ANKS1B: variants seen among roughly 807,000 people sequenced by gnomAD.
The protein encoded by ANKS1B is ankyrin repeat and sterile alpha motif domain-containing protein 1B.
ANKS1B carries 36 observed loss-of-function variants against 148.3 expected under a neutral mutation model. The ratio of observed to expected loss-of-function variants is 0.24; its 90% CI spans 0.19 to 0.32. The LOEUF (loss-of-function observed/expected upper bound fraction) is 0.32, where lower values mean the gene tolerates loss of function less well. ANKS1B is among the 10% of genes least tolerant of loss of function. ANKS1B has a pLI of 1.00. For missense variants in ANKS1B, 1,157 were observed against 1,542.6 expected, an observed-to-expected ratio of 0.75 and a Z score of 4.19; for synonymous variants, 542 against 560.8, an observed-to-expected ratio of 0.97 and a Z score of 0.47.
chr12:99,111,090 C>T (rs1216288609), intron 15 of ANKS1B, among the ~76,000 whole-genome samples: 1 of 152,210 alleles, frequency 6.6e-6, no homozygotes, highest in East Asian at 1.9e-4. Context: ...GGCTTATATT[C>T]CACCTGGTGT....
chr12:98,887,417 T>TA (rs1357376460), intron 17 of ANKS1B, among the ~76,000 whole-genome samples: 1 of 152,172 alleles, frequency 6.6e-6, no homozygotes, highest in Non-Finnish European at 1.5e-5. Flanking sequence ...TCCATTTTCT[T>TA]AAAGAGGGCC....
chr12:99,269,627 C>T (rs1219627829), intron 12 of ANKS1B, among the ~76,000 whole-genome samples: 2 of 152,088 alleles, frequency 1.3e-5, no homozygotes, highest in African/African-American at 4.8e-5. Context: ...AGCGCAATCT[C>T]GGCTCACTGC....
intron 12 of ANKS1B, among the ~76,000 whole-genome samples, chr12:99,274,949 T>C (rs2077492007): frequency 6.6e-6 from 1 of 152,180 alleles, no homozygotes; most frequent in Non-Finnish European, 1.5e-5. Flanking sequence ...CCTTAAAGCA[T>C]GGTGGCTGGG....
At chr12:99,557,352 ATTTTT>A in intron 9 of ANKS1B, among the ~76,000 whole-genome samples, 1 of 152,062 alleles carries the variant, frequency 6.6e-6, no homozygotes, top group Admixed American at 6.6e-5. Flanking sequence ...GGTTTTGTTC[ATTTTT>A]TTAATTCTTT....
intron 19 of ANKS1B, among the ~76,000 whole-genome samples, chr12:98,817,972 G>C (rs959789615): frequency 6.6e-6 from 1 of 152,128 alleles, no homozygotes; most frequent in African/African-American, 2.4e-5. Flanking sequence ...CATGATTGCT[G>C]GAGTCAGCAT....
intron 12 of ANKS1B, among the ~76,000 whole-genome samples, chr12:99,306,441 C>T (rs1039418244): frequency 2.0e-5 from 3 of 151,952 alleles, no homozygotes; most frequent in African/African-American, 7.3e-5. Flanking sequence ...TCCCTACCCC[C>T]ACCCCCATAA....
At chr12:98,800,941 G>A (rs2099000178) in intron 21 of ANKS1B, 56 bp downstream of exon 21, 2 of 1,559,768 alleles carry the variant, frequency 1.3e-6, no homozygotes, top group Non-Finnish European at 1.7e-6. Context: ...CAAACAAGCT[G>A]AAAACATACC....
chr12:99,486,109 A>G (rs943351329), intron 10 of ANKS1B, among the ~76,000 whole-genome samples: 3 of 152,118 alleles, frequency 2.0e-5, no homozygotes, highest in Non-Finnish European at 2.9e-5. Context: ...CTGTTTTGTC[A>G]TATTACCAGA....
chr12:99,271,106 C>A (rs1424277120), intron 12 of ANKS1B, among the ~76,000 whole-genome samples: 1 of 152,226 alleles, frequency 6.6e-6, no homozygotes, highest in African/African-American at 2.4e-5. Context: ...ACATTCACTA[C>A]TTCTTGCCTT....
chr12:99,920,577 T>C (rs542526023), intron 1 of ANKS1B, among the ~76,000 whole-genome samples: 51 of 152,170 alleles, frequency 3.4e-4, no homozygotes, highest in African/African-American at 1.2e-3. Flanking sequence ...CAATGATTAA[T>C]TCATTCATTC....
At chr12:98,826,827 T>C (rs964191670) in intron 19 of ANKS1B, among the ~76,000 whole-genome samples, 1 of 152,160 alleles carries the variant, frequency 6.6e-6, no homozygotes, top group African/African-American at 2.4e-5. Flanking sequence ...AAAATTTTAA[T>C]TGCTAATTCA....
At chr12:99,269,515 T>C (rs1383870244) in intron 12 of ANKS1B, among the ~76,000 whole-genome samples, 2 of 152,122 alleles carry the variant, frequency 1.3e-5, no homozygotes, top group African/African-American at 2.4e-5. Flanking sequence ...TTTTTTTTTT[T>C]TTTGGTCACA....
At chr12:99,545,909 A>T (rs2153144847) in intron 9 of ANKS1B, among the ~76,000 whole-genome samples, 1 of 151,888 alleles carries the variant, frequency 6.6e-6, no homozygotes, top group Non-Finnish European at 1.5e-5. Context: ...GCATGTTTTA[A>T]TCTCATAGTG....
chr12:99,879,786 T>C (rs1395591961), intron 1 of ANKS1B, among the ~76,000 whole-genome samples: 1 of 152,218 alleles, frequency 6.6e-6, no homozygotes, highest in Admixed American at 6.5e-5. Flanking sequence ...AGTAAAGAAG[T>C]ACTTTTTCTG....
At chr12:98,745,877 T>C in intron 26 of ANKS1B, 28 bp from the exon 27 acceptor site, 1 of 1,594,604 alleles carries the variant, frequency 6.3e-7, no homozygotes, top group Non-Finnish European at 8.5e-7. Flanking sequence ...TGATGCCTGT[T>C]ATACGGTCGC....
chr12:99,048,464 C>T (rs1315715853), intron 17 of ANKS1B, among the ~76,000 whole-genome samples: 1 of 152,086 alleles, frequency 6.6e-6, no homozygotes, highest in East Asian at 1.9e-4. Context: ...GTAATATTGG[C>T]CCAGAGGTAC....
At chr12:99,460,374 G>T (rs1435388032) in intron 10 of ANKS1B, among the ~76,000 whole-genome samples, 1 of 151,986 alleles carries the variant, frequency 6.6e-6, no homozygotes, top group Non-Finnish European at 1.5e-5. Flanking sequence ...TCATGACCAA[G>T]AACCCAAAAA....
At position 99,399,738 on chromosome 12, in the gene ANKS1B, A is replaced by C; in HGVS notation, c.1649T>G (p.Ile550Ser). The change falls in exon 12 of 27, where the codon ATC becomes AGC. Residue 550 changes from isoleucine to serine, a missense_variant. Around this residue, in one of 6 missense-constraint regions of ANKS1B, gnomAD observed 661 missense variants for 642.1 expected, o/e 1.03. Coordinates refer to ENST00000683438, the MANE Select transcript of ANKS1B (RefSeq NM_001352186.2). ...RMNHNQEYFEINTSTGCTSFT... is the reference protein window; with the variant it reads ...RMNHNQEYFESNTSTGCTSFT... ...GCTTGTGCACCCTGTAGATGTGTTG[A>C]TTTCAAAATATTCTTGGTTGTGATT... The C allele has an allele frequency of 6.2e-7, 1 of 1,613,468 alleles. No individual in the cohort carries two copies. Among genetic ancestry groups the C allele is most frequent in the African/African-American group, 1.3e-5 (1 of 75,006 alleles).
intron 8 of ANKS1B, among the ~76,000 whole-genome samples, chr12:99,767,865 T>C (rs1033935166): frequency 7.2e-5 from 11 of 152,156 alleles, no homozygotes; most frequent in Admixed American, 2.6e-4. Context: ...AAGAATTTAA[T>C]TTTTAACTTA....
Sources: gnomAD v4.1 joint callset for allele counts (sites outside exome capture counted in the v4.1 genomes callset) on GRCh38, gnomAD v4.1.1 for gene constraint, gnomAD v4.1.1 regional missense constraint, MANE v1.5 for transcripts, NCBI Gene and HGNC (gene_info 2026-07-23, HGNC 2026-07-21) for gene names.